Variants in SSUH2 observed in about 807,000 individuals in gnomAD.
SSUH2 encodes the protein ssu-2 homolog, also known as protein SSUH2 homolog.
SSUH2 carries 47 observed loss-of-function variants against 55.3 expected under a neutral mutation model. That is an observed-to-expected ratio of 0.85 (90% CI 0.67 to 1.08). SSUH2 has a LOEUF of 1.08. Among genes scored for constraint, SSUH2 ranks in the 50% least tolerant of loss-of-function variants. SSUH2 has a pLI of 0.00. For missense variants in SSUH2, 535 were observed against 490.7 expected, an observed-to-expected ratio of 1.09 and a Z score of -0.85; for synonymous variants, 212 against 191.5, an observed-to-expected ratio of 1.11 and a Z score of -0.89.
At chr3:8,676,324 G>A (rs59288867) in intron 3 of SSUH2, among the ~76,000 whole-genome samples, 18 of 152,068 alleles carry the variant, frequency 1.2e-4, no homozygotes, top group African/African-American at 4.1e-4. Context: ...GCGATATCGC[G>A]TGTCATATCC....
At chr3:8,636,705 C>T (rs1306852254) in intron 1 of SSUH2, among the ~76,000 whole-genome samples, 2 of 152,130 alleles carry the variant, frequency 1.3e-5, no homozygotes, top group African/African-American at 2.4e-5. Flanking sequence ...CCTTCACAAA[C>T]GTCAGACCTG....
chr3:8,656,037 T>A (rs1051725731), intron 7 of SSUH2, among the ~76,000 whole-genome samples: 25 of 151,926 alleles, frequency 1.6e-4, no homozygotes, highest in African/African-American at 6.1e-4. Context: ...TGTTGGGTGG[T>A]TTGTTCTGTT....
chr3:8,675,232 CCT>C (rs1411751533), intron 3 of SSUH2, among the ~76,000 whole-genome samples: 2 of 152,206 alleles, frequency 1.3e-5, no homozygotes, highest in South Asian at 4.2e-4. Context: ...CAGATTATCC[CCT>C]GAGAGGCAGA....
intron 6 of SSUH2, chr3:8,659,111 G>A (rs1449462873): frequency 6.6e-6 from 1 of 152,210 alleles, no homozygotes; most frequent in Admixed American, 6.5e-5. Context: ...AGGTCTGCCT[G>A]ACTCCGAAAT....
At chr3:8,645,104 T>G (rs1701501057), upstream of SSUH2, among the ~76,000 whole-genome samples, 1 of 152,198 alleles carries the variant, frequency 6.6e-6, no homozygotes, top group Non-Finnish European at 1.5e-5. Flanking sequence ...GACTCTCTAG[T>G]CAGAGTGCCT....
intron 6 of SSUH2, among the ~76,000 whole-genome samples, chr3:8,662,137 A>G (rs188005974): frequency 1.3e-5 from 2 of 152,262 alleles, no homozygotes; most frequent in Admixed American, 1.3e-4. Flanking sequence ...ACACATGCCC[A>G]CCTTTGTTCC....
rs1199345826 is a variant in SSUH2, at chr3:8,678,885, T to C, written c.-901+820A>G. ...CCCAGCCTGGCTCTTAGGATCCCCA[T>C]TGCAAGGGAGGGAGGCACCCCCCGC... On this transcript the variant is annotated intron_variant, in intron 2 of 18. Coordinates refer to the SSUH2 transcript ENST00000317371. Among the ~76,000 whole-genome samples the C allele has an allele frequency of 1.9e-4, 20 of 103,730 alleles. 4 individuals are homozygous for C. Among genetic ancestry groups the C allele is most frequent in the African/African-American group, 6.9e-4 (20 of 28,996 alleles). The allele number at this position is 103,730 out of a possible 152,430, so 68.1% of individuals were successfully genotyped here.
chr3:8,639,923 AGT>A, intron 1 of SSUH2: 1 of 974,788 alleles, frequency 1.0e-6, no homozygotes, highest in Non-Finnish European at 1.2e-6. Flanking sequence ...GGCACACGTA[AGT>A]GTTAGGGGAA....
chr3:8,679,204 C>T (rs1705750049), intron 2 of SSUH2, among the ~76,000 whole-genome samples: 2 of 68,740 alleles, frequency 2.9e-5, no homozygotes, highest in South Asian at 1.3e-3. Flanking sequence ...GGACCCCCAT[C>T]GCAGGGGGGA....
rs532226935 is a variant in SSUH2, at chr3:8,665,639, TC to T, written c.-454-1838del. 2.0e-4 allele frequency among the ~76,000 whole-genome samples: 31 copies of T among 151,334 alleles called. No homozygotes were observed. The South Asian group carries it at 6.5e-3, about 32-fold the overall frequency. On this transcript the variant is annotated intron_variant, in intron 5 of 18. Transcript: ENST00000317371. ...CCTCAAAACCTTCTGCAACCCAAAGTCCCCCCCGTTCACCAACGCAAAAGCC... is the reference window on the plus strand; with the variant it reads ...CCTCAAAACCTTCTGCAACCCAAAGTCCCCCCGTTCACCAACGCAAAAGCC...
chr3:8,625,997 C>G (rs1477801416), intron 9 of SSUH2, among the ~76,000 whole-genome samples: 1 of 152,192 alleles, frequency 6.6e-6, no homozygotes, highest in South Asian at 2.1e-4. Context: ...GCGGCTGCTG[C>G]CCTAGAAAGT....
At chr3:8,625,969 G>T (rs1257543897) in intron 9 of SSUH2, among the ~76,000 whole-genome samples, 2 of 152,210 alleles carry the variant, frequency 1.3e-5, no homozygotes, top group Non-Finnish European at 1.5e-5. Context: ...ATTCCTACGG[G>T]AAGGGCTCAG....
chr3:8,635,501 T>C, intron 2 of SSUH2, 120 bp from the exon 3 acceptor site: 1 of 815,374 alleles, frequency 1.2e-6, no homozygotes, highest in South Asian at 1.7e-5. Context: ...CAGTGATGCA[T>C]TTAATGCAAA....
At chr3:8,632,174 A>G in intron 4 of SSUH2, 65 bp from the exon 5 acceptor site, 1 of 1,410,452 alleles carries the variant, frequency 7.1e-7, no homozygotes, top group East Asian at 2.3e-5. Flanking sequence ...TTATGCAAAA[A>G]GATGAAGCTG....
At position 8,619,892 on chromosome 3, in the gene SSUH2, A is replaced by G. The variant is rs202225131; in HGVS notation, c.1104T>C (p.Tyr368=). ...QVYAVDYPER[Y]CCGCTIV ...GTCACACGATGGTACAGCCACAGCAATACCGCTCAGGATAGTCCACCGCAT... is the reference window on the plus strand; with the variant it reads ...GTCACACGATGGTACAGCCACAGCAGTACCGCTCAGGATAGTCCACCGCAT... Residue 368 remains tyrosine, a synonymous_variant, in exon 12 of 12, where the codon TAT becomes TAC. Transcript: ENST00000544814. 27 of 1,614,034 alleles carry G rather than the reference A, an allele frequency of 1.7e-5. No individual in the cohort carries two copies. Among genetic ancestry groups the G allele is most frequent in the East Asian group, 2.2e-5 (1 of 44,894 alleles).
At chr3:8,630,643 T>C (rs151070263) in intron 6 of SSUH2, among the ~76,000 whole-genome samples, 162 bp downstream of exon 6, 6 of 152,356 alleles carry the variant, frequency 3.9e-5, no homozygotes, top group Admixed American at 3.9e-4. Context: ...ACATTCCATA[T>C]ACCAGGTTTT....
intron 1 of SSUH2, among the ~76,000 whole-genome samples, chr3:8,681,028 C>T (rs1009547310): frequency 2.1e-5 from 3 of 143,454 alleles, no homozygotes; most frequent in South Asian, 2.1e-4. Context: ...CTCCAAGTGG[C>T]GGGGACTGAG....
intron 6 of SSUH2, 73 bp downstream of exon 6, chr3:8,630,732 G>C (rs1289771322): frequency 3.1e-6 from 4 of 1,304,844 alleles, no homozygotes; most frequent in Non-Finnish European, 3.9e-6. Context: ...ATGAGTTTGA[G>C]GAAACATGCA....
At chr3:8,626,823 G>A (rs1197637969) in intron 8 of SSUH2, 2 of 153,068 alleles carry the variant, frequency 1.3e-5, no homozygotes, top group African/African-American at 2.4e-5. Flanking sequence ...AGTGAGAGGT[G>A]GATACAGATT....
Sources: gnomAD v4.1 joint callset for allele counts (sites outside exome capture counted in the v4.1 genomes callset) on GRCh38, gnomAD v4.1.1 for gene constraint, MANE v1.5 for transcripts, NCBI Gene and HGNC (gene_info 2026-07-23, HGNC 2026-07-21) for gene names.